CDK13: variants seen among roughly 807,000 people sequenced by gnomAD.
CDK13 encodes the protein cyclin-dependent kinase 13.
A neutral mutation model predicts 137.6 loss-of-function variants in CDK13; 40 were observed. The observed-to-expected ratio is 0.29, with a 90% CI of 0.23 to 0.38. CDK13 has a LOEUF of 0.38. CDK13 is among the 10% of genes least tolerant of loss of function. The pLI, the probability that CDK13 is intolerant of heterozygous loss-of-function variation, is 1.00. For synonymous variants in CDK13, 869 were observed against 760.1 expected, an observed-to-expected ratio of 1.14 and a Z score of -2.36; for missense variants, 1,704 against 1,951.8, an observed-to-expected ratio of 0.87 and a Z score of 2.39.
chr7:40,034,117 A>C (rs1785435054), intron 5 of CDK13, among the ~76,000 whole-genome samples: 1 of 152,166 alleles, frequency 6.6e-6, no homozygotes, highest in African/African-American at 2.4e-5. Flanking sequence ...GTTGTTAAAA[A>C]CTGACAAAAT....
intron 9 of CDK13, among the ~76,000 whole-genome samples, chr7:40,076,403 T>C (rs1231410996): frequency 6.6e-6 from 1 of 152,090 alleles, no homozygotes; most frequent in Admixed American, 6.6e-5. Flanking sequence ...AATTCAGCTA[T>C]ATAGAATTTA....
At chr7:39,960,972 G>T (rs1239772532) in intron 1 of CDK13, among the ~76,000 whole-genome samples, 5 of 152,172 alleles carry the variant, frequency 3.3e-5, no homozygotes, top group African/African-American at 9.7e-5. Context: ...TAAGAAATCA[G>T]TCACATCACA....
At chr7:39,993,319 AC>A in intron 2 of CDK13, among the ~76,000 whole-genome samples, 1 of 152,170 alleles carries the variant, frequency 6.6e-6, no homozygotes, top group East Asian at 1.9e-4. Flanking sequence ...TTTCTGTGTT[AC>A]AAATAGTAAT....
chr7:40,004,595 G>A (rs1784759078), intron 5 of CDK13, among the ~76,000 whole-genome samples: 1 of 152,186 alleles, frequency 6.6e-6, no homozygotes, highest in Non-Finnish European at 1.5e-5. Context: ...GAGCATGCTA[G>A]CTGTATGACA....
chr7:39,957,171 G>T (rs1413096863), intron 1 of CDK13, among the ~76,000 whole-genome samples: 1 of 148,302 alleles, frequency 6.7e-6, no homozygotes, highest in Non-Finnish European at 1.5e-5. Context: ...GCTCAGGCTG[G>T]TCTCCTGGGG....
intron 5 of CDK13, among the ~76,000 whole-genome samples, chr7:40,026,868 CT>C (rs1249068459): frequency 6.6e-6 from 1 of 152,220 alleles, no homozygotes; most frequent in Admixed American, 6.5e-5. Context: ...ATTTCATTAG[CT>C]TTTTTGAACA....
chr7:40,034,949 T>C (rs1785450677), intron 5 of CDK13, among the ~76,000 whole-genome samples: 1 of 152,228 alleles, frequency 6.6e-6, no homozygotes, highest in Non-Finnish European at 1.5e-5. Context: ...GTTGGGTTAT[T>C]TGCTGTTCCC....
chr7:40,092,899 A>G lies in CDK13; in HGVS notation c.3350A>G (p.Lys1117Arg). The change falls in exon 13 of 14, where the codon AAG becomes AGG. Residue 1117 changes from lysine to arginine, a missense_variant. By Grantham distance (26) the Lys-to-Arg change is conservative. Transcript: ENST00000181839. ...MADFVQVLNIKVNSETQQQLN... is the reference protein window; with the variant it reads ...MADFVQVLNIRVNSETQQQLN... ...GATTTTGTCCAAGTGTTGAACATTA[A>G]GGTAAACTCTGAGACTCAACAGCAG... 6.2e-7 allele frequency: 1 copy of G among 1,614,184 alleles called. No individual in the cohort carries two copies. Among genetic ancestry groups the G allele is most frequent in the Non-Finnish European group, 8.5e-7 (1 of 1,179,994 alleles).
Position 40,062,885 on chromosome 7 carries a change from GAGA to G in CDK13, c.2665_2667del (p.Glu889del). ...TACCGTCCACCTGAACTGCTACTGG[GAGA>G]AGAACGATACACACCAGCCATTGAT... On this transcript the variant is annotated inframe_deletion, in exon 8 of 14. Transcript: ENST00000181839. 1 of 1,614,020 alleles carries G rather than the reference GAGA, an allele frequency of 6.2e-7. No individual in the cohort carries two copies. The highest frequency in any genetic ancestry group is 8.5e-7 in the Non-Finnish European group (1 of 1,179,912).
At chr7:40,063,260 G>A (rs1448706326) in intron 9 of CDK13, among the ~76,000 whole-genome samples, 160 bp downstream of exon 9, 1 of 152,138 alleles carries the variant, frequency 6.6e-6, no homozygotes, top group Admixed American at 6.6e-5. Flanking sequence ...TAGGCACTTT[G>A]ATACTTGTTC....
At chr7:40,055,669 C>T (rs1584046559) in intron 7 of CDK13, among the ~76,000 whole-genome samples, 1 of 151,024 alleles carries the variant, frequency 6.6e-6, no homozygotes, top group East Asian at 2.0e-4. Context: ...ACCTCTGCCT[C>T]CTGGGTTCAA....
intron 7 of CDK13, among the ~76,000 whole-genome samples, chr7:40,058,884 G>T (rs553911102): frequency 3.9e-4 from 59 of 152,170 alleles, no homozygotes; most frequent in Admixed American, 2.4e-3. Flanking sequence ...TGTATATGAT[G>T]AATTTAGTTT....
At chr7:39,960,280 C>G (rs1425065452) in intron 1 of CDK13, among the ~76,000 whole-genome samples, 2 of 151,236 alleles carry the variant, frequency 1.3e-5, no homozygotes, top group African/African-American at 4.9e-5. Context: ...GAGTCTCGCT[C>G]TGTCACCCAG....
intron 5 of CDK13, among the ~76,000 whole-genome samples, chr7:40,031,470 C>T (rs1267884452): frequency 3.3e-5 from 5 of 151,764 alleles, no homozygotes; most frequent in Non-Finnish European, 5.9e-5. Context: ...TGCAGTGAGC[C>T]GAGATCATGC....
chr7:40,008,979 A>AG (rs1412401953), intron 5 of CDK13, among the ~76,000 whole-genome samples: 1 of 152,192 alleles, frequency 6.6e-6, no homozygotes, highest in Non-Finnish European at 1.5e-5. Flanking sequence ...TACTGTGTAG[A>AG]GTTAGTACCT....
intron 9 of CDK13, chr7:40,071,531 T>C (rs1235336856): frequency 1.3e-5 from 2 of 152,210 alleles, no homozygotes; most frequent in East Asian, 3.8e-4. Flanking sequence ...TGAAACCATA[T>C]GAAGGAATAT....
chr7:40,078,295 G>C, intron 10 of CDK13, 174 bp downstream of exon 10: 1 of 427,940 alleles, frequency 2.3e-6, no homozygotes. Flanking sequence ...CATTATTATG[G>C]AATCAGTGAT....
intron 1 of CDK13, among the ~76,000 whole-genome samples, chr7:39,958,354 T>C (rs1363973227): frequency 6.6e-6 from 1 of 152,152 alleles, no homozygotes; most frequent in African/African-American, 2.4e-5. Flanking sequence ...CTGTTACTGC[T>C]CTTTATTATT....
chr7:40,025,318 C>T (rs1584005155), intron 5 of CDK13, among the ~76,000 whole-genome samples: 1 of 152,092 alleles, frequency 6.6e-6, no homozygotes, highest in East Asian at 1.9e-4. Flanking sequence ...TCTTACTTGT[C>T]TTTGTACTTG....
Sources: gnomAD v4.1 joint callset for allele counts (sites outside exome capture counted in the v4.1 genomes callset) on GRCh38, gnomAD v4.1.1 for gene constraint, MANE v1.5 for transcripts, NCBI Gene and HGNC (gene_info 2026-07-23, HGNC 2026-07-21) for gene names.